The following SEMA3A variants were observed in gnomAD, a reference collection of about 807,000 sequenced individuals.
SEMA3A encodes semaphorin-3A.
Under a neutral mutation model 97.9 loss-of-function variants are expected in SEMA3A, and 29 were observed. The ratio of observed to expected loss-of-function variants is 0.30; its 90% CI spans 0.22 to 0.40. The LOEUF (loss-of-function observed/expected upper bound fraction) is 0.40, where lower values mean the gene tolerates loss of function less well. SEMA3A is among the 10% of genes least tolerant of loss of function. The pLI is 1.00. For synonymous variants in SEMA3A, 321 were observed against 323.7 expected (o/e 0.99, Z 0.09); for missense variants, 763 against 951.3 (o/e 0.80, Z 2.60).
chr7:83,982,160 A>G (rs1054011222), intron 13 of SEMA3A, among the ~76,000 whole-genome samples: 4 of 148,108 alleles, frequency 2.7e-5, no homozygotes, highest in African/African-American at 1.0e-4. Flanking sequence ...TTGAGCATGA[A>G]GATACCTGGA....
At chr7:84,473,173 T>TGTGTGTGTGTGA (rs891778095) in intron 1 of SEMA3A, among the ~76,000 whole-genome samples, 29 of 151,406 alleles carry the variant, frequency 1.9e-4, no homozygotes, top group African/African-American at 6.8e-4. Flanking sequence ...TGTGTGTGTG[T>TGTGTGTGTGTGA]GAAACCTACA....
At chr7:83,985,672 G>GTA (rs1368237064) in intron 12 of SEMA3A, among the ~76,000 whole-genome samples, 195 bp from the exon 13 acceptor site, 1 of 152,178 alleles carries the variant, frequency 6.6e-6, no homozygotes, top group Admixed American at 6.5e-5. Context: ...CAATAAGATT[G>GTA]TGTCAGTGTC....
intron 1 of SEMA3A, among the ~76,000 whole-genome samples, chr7:84,477,029 A>G (rs1488566158): frequency 6.6e-6 from 1 of 150,538 alleles, no homozygotes; most frequent in Non-Finnish European, 1.5e-5. Context: ...TAGAGTAAAA[A>G]GCAGTATGGT....
intron 2 of SEMA3A, among the ~76,000 whole-genome samples, chr7:84,351,128 G>A (rs376779105): frequency 6.6e-6 from 1 of 151,762 alleles, no homozygotes; most frequent in East Asian, 1.9e-4. Context: ...ACATATTTTT[G>A]AGATACGCAT....
chr7:84,057,944 C>T (rs909716728), intron 5 of SEMA3A, among the ~76,000 whole-genome samples: 3 of 152,054 alleles, frequency 2.0e-5, no homozygotes, highest in Non-Finnish European at 4.4e-5. Context: ...AATCCATATT[C>T]TCAATAGTCC....
intron 1 of SEMA3A, among the ~76,000 whole-genome samples, chr7:84,193,138 A>T (rs1798102669): frequency 6.6e-6 from 1 of 151,992 alleles, no homozygotes; most frequent in South Asian, 2.1e-4. Context: ...TCAGGAAAAC[A>T]TTACACCAAA....
chr7:84,327,516 C>T (rs1801800841), intron 2 of SEMA3A, among the ~76,000 whole-genome samples: 1 of 151,682 alleles, frequency 6.6e-6, no homozygotes, highest in African/African-American at 2.4e-5. Context: ...TAGCAAGGTA[C>T]TATCAAAGAG....
chr7:84,479,489 C>A (rs1003749435), intron 1 of SEMA3A, among the ~76,000 whole-genome samples: 3 of 151,962 alleles, frequency 2.0e-5, no homozygotes. Flanking sequence ...CATCATGGCC[C>A]CTGTGTTAAA....
intron 1 of SEMA3A, among the ~76,000 whole-genome samples, chr7:84,151,409 C>T (rs536684448): frequency 1.3e-5 from 2 of 151,744 alleles, no homozygotes; most frequent in East Asian, 3.9e-4. Flanking sequence ...GCTGATGGAG[C>T]TGAAAACCAA....
chr7:84,002,014 G>A lies in SEMA3A; in HGVS notation c.1393C>T (p.Pro465Ser), dbSNP rs766742151. The A allele has an allele frequency of 8.7e-6, 14 of 1,611,654 alleles. No individual in the cohort carries two copies. In the Admixed American group the frequency reaches 2.4e-4, roughly 27 times the overall value. Reference protein sequence around the residue: ...VGTVLKVVSIPKETWYDLEEV... With the variant: ...VGTVLKVVSISKETWYDLEEV... ...TCTAAATCATACCAAGTCTCCTTAG[G>A]AATTGAAACTACTTTAAGAACGGTC... Residue 465 changes from proline (P) to serine (S), a missense_variant, in exon 12 of 17, where the codon CCT becomes TCT. This residue lies in a region of SEMA3A where 678 missense variants were observed against 881.3 expected (regional missense o/e 0.77). Transcript: ENST00000265362.
At chr7:84,017,480 G>A (rs1353218194) in intron 6 of SEMA3A, among the ~76,000 whole-genome samples, 1 of 152,078 alleles carries the variant, frequency 6.6e-6, no homozygotes, top group Non-Finnish European at 1.5e-5. Context: ...CACAGAAAAT[G>A]AGAATATCCA....
intron 4 of SEMA3A, among the ~76,000 whole-genome samples, chr7:84,103,925 C>G (rs1795032057): frequency 6.6e-6 from 1 of 151,854 alleles, no homozygotes; most frequent in Non-Finnish European, 1.5e-5. Context: ...TAGAAATTTC[C>G]TCTTAAAGTA....
At chr7:84,270,598 TTA>T (rs1800122266) in intron 3 of SEMA3A, among the ~76,000 whole-genome samples, 1 of 147,732 alleles carries the variant, frequency 6.8e-6, no homozygotes, top group Non-Finnish European at 1.5e-5. Flanking sequence ...AAATAATTAT[TTA>T]TATATTATTC....
rs575743812 is a variant in SEMA3A, at chr7:84,214,297, A to G, written c.-82-19629T>C. 2.2e-4 allele frequency among the ~76,000 whole-genome samples: 34 copies of G among 152,306 alleles called. No individual in the cohort carries two copies. In the South Asian group the frequency reaches 2.7e-3, roughly 12 times the overall value. On this transcript the variant is annotated intron_variant, in intron 3 of 3. Transcript: ENST00000424555. The stretch of plus-strand genomic sequence containing the variant: ...TGCATTTTTTGTTAACATTTCCTCT[A>G]TACAGTTGCAACTCAGTTGGACTTA...
intron 3 of SEMA3A, among the ~76,000 whole-genome samples, chr7:84,279,484 G>A (rs535492104): frequency 2.3e-4 from 35 of 152,134 alleles, no homozygotes; most frequent in African/African-American, 8.2e-4. Context: ...AGAAGTTAAG[G>A]AAAGACTAAG....
intron 4 of SEMA3A, 90 bp downstream of exon 4, chr7:84,110,380 C>T: frequency 2.0e-6 from 3 of 1,468,266 alleles, no homozygotes; most frequent in Non-Finnish European, 2.8e-6. Context: ...TAGTGAACCA[C>T]AAGCAAAATA....
At chr7:83,984,608 C>CTT (rs371082897) in intron 13 of SEMA3A, among the ~76,000 whole-genome samples, 29,095 of 98,346 alleles carry the variant, frequency 0.3, 5,139 homozygotes, top group East Asian at 0.45. Context: ...GATTTTTCTG[C>CTT]TTTTTTTTTT....
intron 4 of SEMA3A, among the ~76,000 whole-genome samples, chr7:84,063,538 G>A (rs1793345052): frequency 1.3e-5 from 2 of 149,992 alleles, no homozygotes; most frequent in South Asian, 4.2e-4. Flanking sequence ...TTAGAAGAAT[G>A]TATAACTAGA....
chr7:83,998,550 C>T (rs953820172), intron 12 of SEMA3A, among the ~76,000 whole-genome samples: 3 of 152,032 alleles, frequency 2.0e-5, no homozygotes, highest in Admixed American at 1.3e-4. Flanking sequence ...ACTTTATAGT[C>T]GCCATACACT....
Sources: allele counts gnomAD v4.1 joint callset (sites outside exome capture counted in the v4.1 genomes callset), GRCh38; gene constraint gnomAD v4.1.1; regional missense constraint gnomAD v4.1.1; transcripts MANE v1.5; gene names NCBI Gene and HGNC (gene_info 2026-07-23, HGNC 2026-07-21).